ZMYM4: variants seen among roughly 807,000 people sequenced by gnomAD.
ZMYM4 encodes the protein zinc finger MYM-type containing 4.
A neutral mutation model predicts 183.2 loss-of-function variants in ZMYM4; 31 were observed. That is an observed-to-expected ratio of 0.17 (90% confidence interval 0.13 to 0.23). ZMYM4 has a LOEUF of 0.23. ZMYM4 is among the 10% of genes least tolerant of loss of function. The probability of loss-of-function intolerance (pLI) is 1.00; values close to 1 mark genes in which losing one functional copy is unlikely to be tolerated. For missense variants in ZMYM4, 1,273 were observed against 1,840.3 expected (o/e 0.69, Z 5.64); for synonymous variants, 592 against 631.2 (o/e 0.94, Z 0.93).
At chr1:35,396,731 A>G in intron 19 of ZMYM4, 61 bp downstream of exon 19, 1 of 1,549,370 alleles carries the variant, frequency 6.5e-7, no homozygotes, top group Non-Finnish European at 8.7e-7. Context: ...TTAAAACTGT[A>G]TAGTTCTGTG....
chr1:35,367,215 A>G (rs1644104939), intron 5 of ZMYM4, among the ~76,000 whole-genome samples: 1 of 151,162 alleles, frequency 6.6e-6, no homozygotes, highest in South Asian at 2.1e-4. Context: ...TCATACAATT[A>G]ATTAATTTTT....
intron 11 of ZMYM4, 32 bp from the exon 12 acceptor site, chr1:35,386,971 A>C: frequency 6.3e-7 from 1 of 1,598,108 alleles, no homozygotes; most frequent in Non-Finnish European, 8.5e-7. Flanking sequence ...ACAAAGATTA[A>C]ATTGATACTT....
At chr1:35,365,776 T>C (rs1046595815) in intron 5 of ZMYM4, among the ~76,000 whole-genome samples, 3 of 152,206 alleles carry the variant, frequency 2.0e-5, no homozygotes, top group Admixed American at 6.5e-5. Context: ...CAATTAGATA[T>C]TTACTTCTCA....
At chr1:35,307,587 T>G (rs1278518234) in intron 1 of ZMYM4, among the ~76,000 whole-genome samples, 1 of 150,068 alleles carries the variant, frequency 6.7e-6, no homozygotes, top group Non-Finnish European at 1.5e-5. Context: ...CAGGCTGGAG[T>G]GCAGTGGCAC....
intron 7 of ZMYM4, among the ~76,000 whole-genome samples, chr1:35,380,418 C>T (rs1031457079): frequency 2.6e-5 from 4 of 152,124 alleles, no homozygotes; most frequent in Admixed American, 6.5e-5. Flanking sequence ...AGCTCCGCTT[C>T]CCGGGTTCAT....
chr1:35,363,906 T>C (rs770191822), intron 5 of ZMYM4, among the ~76,000 whole-genome samples: 4 of 152,158 alleles, frequency 2.6e-5, no homozygotes, highest in Non-Finnish European at 5.9e-5. Flanking sequence ...GCTGGCAGGG[T>C]ACCAAAATCA....
chr1:35,399,872 T>C, intron 23 of ZMYM4: 1 of 265,994 alleles, frequency 3.8e-6, no homozygotes, highest in South Asian at 4.8e-5. Context: ...AATTTAGCTC[T>C]TTTTACATGT....
rs561762229 is a variant in ZMYM4 at position 35,317,602 on chromosome 1, A to C, written c.40-7758A>C. Among the ~76,000 whole-genome samples the C allele has an allele frequency of 2.5e-4, 38 of 152,338 alleles. No individual in the cohort carries two copies. The South Asian group carries it at 7.7e-3, about 31-fold the overall frequency. On this transcript the variant is annotated intron_variant, in intron 1 of 29. Transcript: ENST00000314607. ...GCCAACCGAAGGACTTCTTGTTGCC[A>C]GTAAAGGCTGGTTTGATCATTTCAG...
chr1:35,275,366 C>T (rs1639820239), intron 1 of ZMYM4, among the ~76,000 whole-genome samples: 1 of 151,994 alleles, frequency 6.6e-6, no homozygotes, highest in Non-Finnish European at 1.5e-5. Context: ...CTCAGTCCCC[C>T]GAGTAGCTAG....
chr1:35,420,231 A>C lies in ZMYM4; in HGVS notation c.*554A>C, dbSNP rs1025684155. The C allele has an allele frequency of 6.3e-6, 1 of 157,598 alleles. No homozygotes were observed. The highest frequency in any genetic ancestry group is 2.4e-5 in the African/African-American group (1 of 41,474). 9.8% of individuals were successfully genotyped at this position (157,598 alleles called of 1,614,324 possible). ...TGATTTTGATTTTCACTGCCAAGCC[A>C]ATCATGTGAAGGACAGAAGCTTTTG... is the stretch of plus-strand genomic sequence containing the variant. On this transcript the variant is annotated 3_prime_UTR_variant, in exon 30 of 30. Transcript: ENST00000314607.
intron 2 of ZMYM4, among the ~76,000 whole-genome samples, chr1:35,349,245 C>T (rs1237547738): frequency 6.6e-6 from 1 of 152,138 alleles, no homozygotes; most frequent in Non-Finnish European, 1.5e-5. Flanking sequence ...GCTTCAGCCT[C>T]CCTAAGTGCT....
At chr1:35,387,708 A>G in intron 13 of ZMYM4, 104 bp downstream of exon 13, 1 of 1,255,032 alleles carries the variant, frequency 8.0e-7, no homozygotes, top group East Asian at 2.4e-5. Context: ...TTTATTGTTT[A>G]TGTATAACGT....
intron 1 of ZMYM4, among the ~76,000 whole-genome samples, chr1:35,275,443 G>A (rs1350995442): frequency 3.3e-5 from 5 of 152,030 alleles, no homozygotes; most frequent in Admixed American, 6.6e-5. Flanking sequence ...TGGCCAGGCT[G>A]GTCTTGAACT....
At chr1:35,344,458 G>C (rs952612300) in intron 2 of ZMYM4, among the ~76,000 whole-genome samples, 17 of 151,970 alleles carry the variant, frequency 1.1e-4, no homozygotes, top group African/African-American at 3.9e-4. Flanking sequence ...CTGTTAAGTA[G>C]GTCATGAGAT....
At chr1:35,312,197 A>G (rs893332822) in intron 1 of ZMYM4, among the ~76,000 whole-genome samples, 2 of 151,962 alleles carry the variant, frequency 1.3e-5, no homozygotes, top group Non-Finnish European at 1.5e-5. Flanking sequence ...CTTGGTGTAT[A>G]TATCTTTGGG....
chr1:35,312,353 C>T (rs1309660299), intron 1 of ZMYM4, among the ~76,000 whole-genome samples: 1 of 152,034 alleles, frequency 6.6e-6, no homozygotes, highest in African/African-American at 2.4e-5. Flanking sequence ...AACTCTGATG[C>T]CATAAATAAT....
chr1:35,282,253 G>A (rs967195222), intron 1 of ZMYM4, among the ~76,000 whole-genome samples: 20 of 152,150 alleles, frequency 1.3e-4, no homozygotes, highest in African/African-American at 4.8e-4. Flanking sequence ...TGGATAGTGG[G>A]GACACTGCCC....
chr1:35,415,282 T>C (rs917733554), intron 27 of ZMYM4, among the ~76,000 whole-genome samples, 184 bp from the exon 28 acceptor site: 2 of 152,196 alleles, frequency 1.3e-5, no homozygotes, highest in African/African-American at 4.8e-5. Flanking sequence ...GAACGGTGTC[T>C]ACTTGAGTGG....
intron 7 of ZMYM4, chr1:35,370,974 T>C (rs1206695864): frequency 5.6e-6 from 1 of 179,128 alleles, no homozygotes; most frequent in Non-Finnish European, 1.2e-5. Flanking sequence ...CAATAGATAT[T>C]TAAATCCAAC....
Sources: gnomAD v4.1 joint callset for allele counts (sites outside exome capture counted in the v4.1 genomes callset) on GRCh38, gnomAD v4.1.1 for gene constraint, MANE v1.5 for transcripts, NCBI Gene and HGNC (gene_info 2026-07-23, HGNC 2026-07-21) for gene names.